ATXN2: variants seen among roughly 807,000 people sequenced by gnomAD.
ATXN2 encodes ataxin 2.
ATXN2 carries 37 observed loss-of-function variants against 138.6 expected under a neutral mutation model. The ratio of observed to expected loss-of-function variants is 0.27; its 90% CI spans 0.21 to 0.35. The LOEUF (loss-of-function observed/expected upper bound fraction) is 0.35, where lower values mean the gene tolerates loss of function less well. Ranked by LOEUF, ATXN2 falls within the 10% of genes least tolerant of loss-of-function variation. The probability of loss-of-function intolerance (pLI) is 1.00; values close to 1 mark genes in which losing one functional copy is unlikely to be tolerated. For missense variants in ATXN2, 1,216 were observed against 1,480.3 expected (o/e 0.82, Z 2.93); for synonymous variants, 549 against 543.7 (o/e 1.01, Z -0.13).
chr12:111,456,040 G>C lies in ATXN2; in HGVS notation c.3259C>G (p.His1087Asp). Residue 1087 changes from histidine to aspartate, a missense_variant, in exon 23 of 25, where the codon CAC becomes GAC. Physicochemically the swap from His to Asp is moderately conservative, Grantham distance 81 (BLOSUM62 -1). Around this residue, in one of 4 missense-constraint regions of ATXN2, gnomAD observed 490 missense variants for 653.5 expected, o/e 0.75. Transcript: ENST00000673436. ...AAAGCTGGTATTACCTGAGGTACGTGGGCCATGTGGGGTGGGTTGGTATAC... is the reference window on the plus strand; with the variant it reads ...AAAGCTGGTATTACCTGAGGTACGTCGGCCATGTGGGGTGGGTTGGTATAC... ...PAYTNPPHMA[H>D]VPQAHVQSGM... The C allele has an allele frequency of 1.2e-6, 2 of 1,614,124 alleles. No individual in the cohort carries two copies. Among genetic ancestry groups the C allele is most frequent in the Non-Finnish European group, 1.7e-6 (2 of 1,179,962 alleles).
intron 9 of ATXN2, 36 bp downstream of exon 9, chr12:111,518,213 A>T: frequency 1.3e-6 from 2 of 1,481,784 alleles, no homozygotes; most frequent in Non-Finnish European, 1.8e-6. Flanking sequence ...AAACTATTTT[A>T]TCAATGATAT....
intron 18 of ATXN2, among the ~76,000 whole-genome samples, chr12:111,474,798 G>A (rs954532822): frequency 3.3e-5 from 5 of 152,114 alleles, no homozygotes; most frequent in South Asian, 2.1e-4. Flanking sequence ...AAAAGTTACC[G>A]CAAGGCTGAG....
rs751481895 is a variant in ATXN2 at position 111,516,168 on chromosome 12, C to T, written c.1361G>A (p.Arg454His). 6 of 1,594,742 alleles carry T rather than the reference C, an allele frequency of 3.8e-6. No individual in the cohort carries two copies. The highest frequency in any genetic ancestry group is 2.7e-5 in the African/African-American group (2 of 73,432). Reference protein sequence around the residue: ...SPAPVSTMPKRMSSEGPPRMS... With the variant: ...SPAPVSTMPKHMSSEGPPRMS... The stretch of plus-strand genomic sequence containing the variant: ...TGGTATTGTACCTTCTGAAGACATG[C>T]GTTTAGGCATAGTAGAGACAGGAGC... Residue 454 changes from arginine to histidine, a missense_variant, in exon 10 of 25, where the codon CGC (arginine) becomes CAC (histidine). Around this residue, in one of 4 missense-constraint regions of ATXN2, gnomAD observed 401 missense variants for 528.1 expected, o/e 0.76. Transcript: ENST00000673436. This position sits in a 1 kb window ranked among gnomAD's most constrained non-coding sequence, Gnocchi z 5.0.
intron 1 of ATXN2, among the ~76,000 whole-genome samples, chr12:111,560,358 T>C (rs533617791): frequency 8.2e-4 from 125 of 152,180 alleles, no homozygotes; most frequent in Non-Finnish European, 1.3e-3. Context: ...TATATGCAAA[T>C]ACTGTGCCAT....
At chr12:111,574,592 T>C (rs1199604793) in intron 1 of ATXN2, among the ~76,000 whole-genome samples, 1 of 151,924 alleles carries the variant, frequency 6.6e-6, no homozygotes, top group East Asian at 1.9e-4. Context: ...CATGCCCAGC[T>C]AATTTATTTT....
chr12:111,535,722 C>T (rs1208166978), intron 5 of ATXN2, among the ~76,000 whole-genome samples: 14 of 148,248 alleles, frequency 9.4e-5, no homozygotes, highest in African/African-American at 3.0e-4. Context: ...GGAAATAGGC[C>T]GGGCGCGGTG....
intron 14 of ATXN2, among the ~76,000 whole-genome samples, chr12:111,508,441 CTTTTT>C (rs66643315): frequency 1.2e-5 from 1 of 85,652 alleles, no homozygotes. Flanking sequence ...AATTGAAAAA[CTTTTT>C]TTTTTTTTTT....
chr12:111,494,307 A>T (rs1460184588), intron 14 of ATXN2, among the ~76,000 whole-genome samples: 2 of 152,158 alleles, frequency 1.3e-5, no homozygotes, highest in African/African-American at 4.8e-5. Flanking sequence ...GGGCAGATGA[A>T]GTGTAGAGTT....
intron 1 of ATXN2, among the ~76,000 whole-genome samples, chr12:111,569,981 G>A (rs74354135): frequency 0.013 from 1,945 of 152,302 alleles, 50 homozygotes; most frequent in African/African-American, 0.045. Context: ...TTAGGCACAT[G>A]TGGCAGCTAA....
At chr12:111,456,512 A>G (rs540492786) in intron 22 of ATXN2, among the ~76,000 whole-genome samples, 1 of 152,350 alleles carries the variant, frequency 6.6e-6, no homozygotes, top group South Asian at 2.1e-4. Flanking sequence ...AAAAAAGACT[A>G]CTGCCCCAGG....
rs1885092415 is a variant in ATXN2, at chr12:111,598,954, C to CTGCTGCTGCTGT, written c.80_81insACAGCAGCAGCA (p.Gln25_Gln28dup). 6 of 701,946 alleles carry CTGCTGCTGCTGT rather than the reference C, an allele frequency of 8.5e-6. No homozygotes were observed. In the East Asian group the frequency reaches 1.5e-4, roughly 18 times the overall value. The allele number at this position is 701,946 out of a possible 1,614,324, so 43.5% of individuals were successfully genotyped here. A position where few individuals can be genotyped will look rare whatever the true frequency, so the allele number is the denominator to read the frequency against. On this transcript the variant is annotated inframe_insertion, in exon 1 of 25. Transcript: ENST00000673436. The surrounding 1 kb of genome is among the most constrained non-coding windows in gnomAD (Gnocchi z 4.5). ...CATTGGCAGCCGCGGGCGGCGGCTGCTGCTGCTGCTGCTGCTGCTGCTGTT... is the reference window on the plus strand; with the variant it reads ...CATTGGCAGCCGCGGGCGGCGGCTGCTGCTGCTGCTGTTGCTGCTGCTGCTGCTGCTGCTGTT...
chr12:111,479,193 C>A, intron 18 of ATXN2: 3 of 357,358 alleles, frequency 8.4e-6, no homozygotes, highest in East Asian at 4.0e-5. Flanking sequence ...CTCAAATGCC[C>A]ATCGACTAGT....
chr12:111,481,438 A>C (rs1877233748), intron 18 of ATXN2, among the ~76,000 whole-genome samples: 1 of 152,124 alleles, frequency 6.6e-6, no homozygotes, highest in Admixed American at 6.5e-5. Context: ...TCTCAAAACA[A>C]TACAAAAAAA....
At chr12:111,599,559 G>GTTCC, upstream of ATXN2, 1 of 1,171,510 alleles carries the variant, frequency 8.5e-7, no homozygotes, top group Non-Finnish European at 1.1e-6. Context: ...CGGAGGTGCG[G>GTTCC]ATAGGGACTC....
In ATXN2 at chr12:111,590,162, C is replaced by T. The variant is rs976555529; in HGVS notation, c.251+8622G>A. On this transcript the variant is annotated intron_variant, in intron 1 of 24. Transcript: ENST00000673436. ...CTGGGAAGTGGAGGTTACAGTGAGCCGAGATTATGCCACTGCTTTCCAGAC... is the reference window on the plus strand; with the variant it reads ...CTGGGAAGTGGAGGTTACAGTGAGCTGAGATTATGCCACTGCTTTCCAGAC... Among the ~76,000 whole-genome samples, 5 of 151,914 alleles carry T rather than the reference C, an allele frequency of 3.3e-5. No individual in the cohort carries two copies. In the East Asian group the frequency reaches 5.8e-4, roughly 18 times the overall value.
At chr12:111,597,523 C>T in intron 1 of ATXN2, among the ~76,000 whole-genome samples, 1 of 152,196 alleles carries the variant, frequency 6.6e-6, no homozygotes, top group Non-Finnish European at 1.5e-5. Context: ...AAGTTAAGGA[C>T]ACCGGCCACA....
intron 1 of ATXN2, among the ~76,000 whole-genome samples, chr12:111,581,135 C>CAAA (rs1016431358): frequency 3.5e-5 from 2 of 57,866 alleles, no homozygotes; most frequent in South Asian, 7.4e-4. Flanking sequence ...GACTCCATCT[C>CAAA]AAAAAAAAAA....
At chr12:111,555,695 CAAGT>C (rs892387243) in intron 2 of ATXN2, among the ~76,000 whole-genome samples, 184 bp downstream of exon 2, 51 of 150,554 alleles carry the variant, frequency 3.4e-4, no homozygotes, top group African/African-American at 1.1e-3. Flanking sequence ...ACTAATACAA[CAAGT>C]AATTGTACAT....
chr12:111,587,134 G>A (rs1390315259), intron 1 of ATXN2, among the ~76,000 whole-genome samples: 2 of 142,726 alleles, frequency 1.4e-5, no homozygotes, highest in African/African-American at 2.5e-5. Flanking sequence ...TCAGTGAAAA[G>A]ACATTTAGTC....
Sources: gnomAD v4.1 joint callset for allele counts (sites outside exome capture counted in the v4.1 genomes callset) on GRCh38, gnomAD v4.1.1 for gene constraint, gnomAD v4.1.1 regional missense constraint, Gnocchi (gnomAD v3.1) non-coding constraint, MANE v1.5 for transcripts, NCBI Gene and HGNC (gene_info 2026-07-23, HGNC 2026-07-21) for gene names.